HERC4: variants seen among roughly 807,000 people sequenced by gnomAD.
HERC4 encodes HECT and RLD domain containing E3 ubiquitin protein ligase 4, also known as probable E3 ubiquitin-protein ligase HERC4.
In HERC4, 28 loss-of-function variants were observed where a neutral mutation model predicts 124.3. The ratio of observed to expected loss-of-function variants is 0.23; its 90% confidence interval spans 0.17 to 0.31. The LOEUF is 0.31. Among genes scored for constraint, HERC4 ranks in the 10% least tolerant of loss-of-function variants. The pLI, the probability that HERC4 is intolerant of heterozygous loss-of-function variation, is 1.00. For synonymous variants in HERC4, 407 were observed against 421.5 expected (o/e 0.97, Z 0.42); for missense variants, 713 against 1,229.3 (o/e 0.58, Z 6.28).
At chr10:68,010,980 T>G (rs1378124668) in intron 9 of HERC4, 1 of 842,514 alleles carries the variant, frequency 1.2e-6, no homozygotes, top group Non-Finnish European at 1.9e-6. Flanking sequence ...TATAGTTAAG[T>G]TCTTCGAATG....
chr10:68,071,525 A>G (rs1481919241), intron 3 of HERC4, among the ~76,000 whole-genome samples: 3 of 152,234 alleles, frequency 2.0e-5, no homozygotes, highest in African/African-American at 7.2e-5. Context: ...TAGCCTCCGT[A>G]CCATGAAAAT....
intron 7 of HERC4, among the ~76,000 whole-genome samples, chr10:68,029,747 T>G (rs910662261): frequency 1.4e-5 from 2 of 142,988 alleles, no homozygotes; most frequent in African/African-American, 5.2e-5. Context: ...TAACACTTTG[T>G]TTTTTTTTTT....
At position 68,059,924 on chromosome 10, in the gene HERC4, ATAT is replaced by A. The variant is rs1193709052; in HGVS notation, c.226+12956_226+12958del. Among the ~76,000 whole-genome samples, 410 of 118,456 alleles carry A rather than the reference ATAT, an allele frequency of 3.5e-3. 44 individuals carry two copies. Among genetic ancestry groups the A allele is most frequent in the African/African-American group, 0.014 (392 of 28,408 alleles). 77.7% of individuals were successfully genotyped at this position (118,456 alleles called of 152,430 possible). ...ATATTATATAATATTATATATCATA[ATAT>A]TATATATTATAATAATATTATATTA... is the stretch of plus-strand genomic sequence containing the variant. On this transcript the variant is annotated intron_variant, in intron 3 of 24. Coordinates refer to ENST00000373700, the MANE Select transcript of HERC4 (RefSeq NM_015601.4).
At chr10:68,015,938 A>G (rs1222882486) in intron 8 of HERC4, among the ~76,000 whole-genome samples, 1 of 152,148 alleles carries the variant, frequency 6.6e-6, no homozygotes, top group Non-Finnish European at 1.5e-5. Flanking sequence ...CCCTGTCTCT[A>G]TTAAAAATAC....
intron 16 of HERC4, among the ~76,000 whole-genome samples, chr10:67,964,536 C>G (rs1296841770): frequency 6.6e-6 from 1 of 152,080 alleles, no homozygotes; most frequent in African/African-American, 2.4e-5. Context: ...CCCTAATCTA[C>G]TAAAATATAG....
rs1162494733 is a variant in HERC4, at chr10:67,990,885, T to C, written c.1443+19A>G. 5 of 1,477,770 alleles carry C rather than the reference T, an allele frequency of 3.4e-6. No homozygotes were observed. In the East Asian group the frequency reaches 9.1e-5, roughly 27 times the overall value. 91.5% of individuals were successfully genotyped at this position (1,477,770 alleles called of 1,614,324 possible). A position where few individuals can be genotyped will look rare whatever the true frequency, so the allele number is the denominator to read the frequency against. On this transcript the variant is annotated intron_variant, in intron 13 of 24. Transcript: ENST00000373700. Reference sequence around the variant, plus strand: ...AAATCAACAGATAATACTGTAAACATAATACTTTAAAAACAGACCTGCTGA... The same window carrying C: ...AAATCAACAGATAATACTGTAAACACAATACTTTAAAAACAGACCTGCTGA...
chr10:68,035,427 A>G (rs2039412507), intron 5 of HERC4, among the ~76,000 whole-genome samples: 1 of 152,162 alleles, frequency 6.6e-6, no homozygotes, highest in South Asian at 2.1e-4. Flanking sequence ...AAGTGCTAAG[A>G]TTACAGGTGT....
intron 3 of HERC4, among the ~76,000 whole-genome samples, chr10:68,071,050 C>G (rs960956160): frequency 2.0e-5 from 3 of 151,962 alleles, no homozygotes; most frequent in Non-Finnish European, 2.9e-5. Context: ...CAAGACAAAG[C>G]TAATGCCTGT....
At position 67,984,652 on chromosome 10, in the gene HERC4, G is replaced by A. The variant is rs567613874; in HGVS notation, c.1806+4011C>T. On this transcript the variant is annotated intron_variant, in intron 15 of 24. Transcript: ENST00000373700. ...GGCTGGAGTGCAATGGCACGATTTC[G>A]ACTCACTGCAACCTCCACCTCCTGG... Among the ~76,000 whole-genome samples, 6 of 152,082 alleles carry A rather than the reference G, an allele frequency of 3.9e-5. No individual in the cohort carries two copies. In the East Asian group the frequency reaches 5.8e-4, roughly 15 times the overall value.
intron 9 of HERC4, chr10:67,994,130 CAAG>C (rs2036716510): frequency 6.6e-6 from 1 of 152,074 alleles, no homozygotes; most frequent in African/African-American, 2.4e-5. Context: ...CCGTAAGTCA[CAAG>C]AATACCCTAA....
chr10:68,062,936 T>A (rs564540589), intron 3 of HERC4, among the ~76,000 whole-genome samples: 2 of 152,092 alleles, frequency 1.3e-5, no homozygotes, highest in Admixed American at 1.3e-4. Context: ...ATTTCTACAA[T>A]CTGACCTCAA....
At chr10:68,069,534 A>T in intron 3 of HERC4, 5 of 985,440 alleles carry the variant, frequency 5.1e-6, no homozygotes, top group Non-Finnish European at 6.0e-6. Flanking sequence ...CCTCTTTTCA[A>T]TAGGCCACAG....
intron 15 of HERC4, among the ~76,000 whole-genome samples, chr10:67,975,003 A>C (rs1371032337): frequency 6.6e-6 from 1 of 152,128 alleles, no homozygotes; most frequent in Non-Finnish European, 1.5e-5. Flanking sequence ...AGCCTGGCCA[A>C]GATGGTGAAA....
At chr10:67,978,070 G>C (rs920156112) in intron 15 of HERC4, among the ~76,000 whole-genome samples, 11 of 151,964 alleles carry the variant, frequency 7.2e-5, no homozygotes, top group Non-Finnish European at 1.2e-4. Context: ...GAGGTCAGGA[G>C]TTTGAGACCA....
At chr10:67,933,502 T>A (rs2032041892) in intron 22 of HERC4, among the ~76,000 whole-genome samples, 1 of 152,178 alleles carries the variant, frequency 6.6e-6, no homozygotes, top group Non-Finnish European at 1.5e-5. Context: ...TCTGGTCAAA[T>A]AATGAGAATG....
chr10:68,061,095 G>A (rs1470291441), intron 3 of HERC4, among the ~76,000 whole-genome samples: 1 of 152,098 alleles, frequency 6.6e-6, no homozygotes, highest in Non-Finnish European at 1.5e-5. Flanking sequence ...CGCAAAAGGT[G>A]TATTTCCCAA....
chr10:68,019,043 C>T lies in HERC4; in HGVS notation c.909-4857G>A, dbSNP rs1254725300. 2.2e-5 allele frequency among the ~76,000 whole-genome samples: 3 copies of T among 136,586 alleles called. No individual in the cohort carries two copies. The East Asian group carries it at 6.6e-4, about 30-fold the overall frequency. 89.6% of individuals were successfully genotyped at this position (136,586 alleles called of 152,430 possible). On this transcript the variant is annotated intron_variant, in intron 8 of 24. Coordinates refer to ENST00000373700, the MANE Select transcript of HERC4 (RefSeq NM_015601.4). ...TGGAGTTTCACTCTTGTTGCCCAGG[C>T]TGGAGTGCAATGGTGCGATCTCGGC...
At chr10:67,980,659 T>C (rs1439544461) in intron 15 of HERC4, among the ~76,000 whole-genome samples, 1 of 152,146 alleles carries the variant, frequency 6.6e-6, no homozygotes, top group African/African-American at 2.4e-5. Flanking sequence ...AGAGAGACTA[T>C]AAACAATTAA....
chr10:67,996,355 T>C (rs1000861026), intron 9 of HERC4, among the ~76,000 whole-genome samples: 7 of 152,088 alleles, frequency 4.6e-5, no homozygotes, highest in Non-Finnish European at 1.0e-4. Context: ...ATTAGTGCAC[T>C]GTTTAGGATT....
Sources: allele counts gnomAD v4.1 joint callset (sites outside exome capture counted in the v4.1 genomes callset), GRCh38; gene constraint gnomAD v4.1.1; transcripts MANE v1.5; gene names NCBI Gene and HGNC (gene_info 2026-07-23, HGNC 2026-07-21).